The following ZNRF3 variants were observed in gnomAD, a reference collection of about 807,000 sequenced individuals.
ZNRF3 encodes the protein zinc and ring finger 3.
Under a neutral mutation model 72.5 loss-of-function variants are expected in ZNRF3, and 23 were observed. That is an observed-to-expected ratio of 0.32 (90% CI 0.23 to 0.45). The LOEUF (loss-of-function observed/expected upper bound fraction) is 0.45. Ranked by LOEUF, ZNRF3 falls within the 20% of genes least tolerant of loss-of-function variation. ZNRF3 has a pLI of 1.00. For synonymous variants in ZNRF3, 610 were observed against 545.3 expected (o/e 1.12, Z -1.65); for missense variants, 1,169 against 1,272.1 (o/e 0.92, Z 1.23).
At chr22:28,966,568 C>G (rs1360809817) in intron 1 of ZNRF3, among the ~76,000 whole-genome samples, 1 of 151,976 alleles carries the variant, frequency 6.6e-6, no homozygotes, top group Non-Finnish European at 1.5e-5. Context: ...CATTGATGAT[C>G]CTGACATTGT....
At chr22:28,979,062 T>C (rs1232819530) in intron 1 of ZNRF3, among the ~76,000 whole-genome samples, 3 of 152,202 alleles carry the variant, frequency 2.0e-5, no homozygotes, top group Non-Finnish European at 2.9e-5. Flanking sequence ...TATAAAACTC[T>C]CCTCAGTACC....
At chr22:28,893,125 C>T (rs904178691) in intron 1 of ZNRF3, among the ~76,000 whole-genome samples, 1 of 152,072 alleles carries the variant, frequency 6.6e-6, no homozygotes, top group South Asian at 2.1e-4. Context: ...CGAGATCACA[C>T]CACTGCACTC....
intron 1 of ZNRF3, among the ~76,000 whole-genome samples, chr22:28,952,071 G>A (rs548026195): frequency 2.9e-3 from 440 of 152,326 alleles, no homozygotes; most frequent in South Asian, 7.1e-3. Flanking sequence ...ACCCTCCTGC[G>A]GGTTCCCAGC....
chr22:29,009,106 C>G (rs1471631823), intron 2 of ZNRF3, among the ~76,000 whole-genome samples: 1 of 152,190 alleles, frequency 6.6e-6, no homozygotes, highest in Non-Finnish European at 1.5e-5. Context: ...GGAATCAGGA[C>G]AGGATCCTTC....
At chr22:28,920,954 G>A (rs2034501321) in intron 1 of ZNRF3, among the ~76,000 whole-genome samples, 1 of 152,208 alleles carries the variant, frequency 6.6e-6, no homozygotes, top group Admixed American at 6.5e-5. Context: ...TCACACACGG[G>A]GCTAGACCCA....
At chr22:29,019,661 C>T (rs927613500) in intron 2 of ZNRF3, among the ~76,000 whole-genome samples, 1 of 152,140 alleles carries the variant, frequency 6.6e-6, no homozygotes, top group Admixed American at 6.5e-5. Flanking sequence ...AAGACTAGAT[C>T]AATGATTAGC....
chr22:29,048,253 C>A lies in ZNRF3; in HGVS notation c.913-136C>A. 3.2e-6 allele frequency: 2 copies of A among 627,296 alleles called. No individual in the cohort carries two copies. Among genetic ancestry groups the A allele is most frequent in the Non-Finnish European group, 5.5e-6 (2 of 361,158 alleles). The allele number at this position is 627,296 out of a possible 1,614,324, so 38.9% of individuals were successfully genotyped here. ...GGGCCCTGCTTCTAGGGAATTGAGC[C>A]CTAATTGGAGGTGGGGAGGAGAGTA... On this transcript the variant is annotated intron_variant, in intron 6 of 8. Transcript: ENST00000544604. This position sits in a 1 kb window ranked among gnomAD's most constrained non-coding sequence, Gnocchi z 4.9.
At chr22:28,928,023 A>G (rs1049031256) in intron 1 of ZNRF3, among the ~76,000 whole-genome samples, 19 of 152,222 alleles carry the variant, frequency 1.2e-4, no homozygotes, top group Admixed American at 1.2e-3. Flanking sequence ...TTAAATAATG[A>G]AGTCAAGACC....
intron 1 of ZNRF3, among the ~76,000 whole-genome samples, chr22:28,900,109 C>T (rs2034075938): frequency 6.6e-6 from 1 of 152,156 alleles, no homozygotes; most frequent in Non-Finnish European, 1.5e-5. Flanking sequence ...CCCTTGCCCT[C>T]TGGTAACTAA....
chr22:28,888,402 G>A (rs2033828017), intron 1 of ZNRF3, among the ~76,000 whole-genome samples: 1 of 152,216 alleles, frequency 6.6e-6, no homozygotes, highest in Non-Finnish European at 1.5e-5. Flanking sequence ...GCTGACAGCT[G>A]ACCTGGATTT....
chr22:29,032,687 A>C (rs965464695), intron 2 of ZNRF3, among the ~76,000 whole-genome samples: 1 of 152,224 alleles, frequency 6.6e-6, no homozygotes, highest in Admixed American at 6.5e-5. Context: ...ATGGTGTTTG[A>C]TGCTAACCCC....
chr22:29,028,220 T>C (rs116035657), intron 2 of ZNRF3, among the ~76,000 whole-genome samples: 1,680 of 152,254 alleles, frequency 0.011, 39 homozygotes, highest in African/African-American at 0.039. Context: ...TTGGATGAAA[T>C]AGTCTTTGAC....
At chr22:28,982,945 CACTGGAGATGTA>C (rs1268333819) in intron 1 of ZNRF3, among the ~76,000 whole-genome samples, 7 of 152,070 alleles carry the variant, frequency 4.6e-5, no homozygotes, top group Non-Finnish European at 5.9e-5. Flanking sequence ...AACAGACTTG[CACTGGAGATGTA>C]AACTGGAATA....
intron 2 of ZNRF3, among the ~76,000 whole-genome samples, chr22:28,993,276 A>G (rs1311424684): frequency 6.6e-6 from 1 of 152,214 alleles, no homozygotes; most frequent in Non-Finnish European, 1.5e-5. Context: ...AAGCCCGGAA[A>G]TTACTGAGGG....
At position 28,975,127 on chromosome 22, in the gene ZNRF3, TTAC is replaced by T. The variant is rs374543047; in HGVS notation, c.301-11944_301-11942del. On this transcript the variant is annotated intron_variant, in intron 1 of 8. Coordinates refer to ENST00000544604, the MANE Select transcript of ZNRF3 (RefSeq NM_001206998.2). ...TACTTGAAGATTTCATCATATAAAG[TTAC>T]TACTTTGGCTGGGTGCAGTGGCTTA... Among the ~76,000 whole-genome samples, 316 of 152,260 alleles carry T rather than the reference TTAC, an allele frequency of 2.1e-3. 4 individuals are homozygous for T. The South Asian group carries it at 0.022, about 11-fold the overall frequency.
intron 2 of ZNRF3, among the ~76,000 whole-genome samples, chr22:29,007,520 A>G (rs1002692506): frequency 1.3e-5 from 2 of 151,668 alleles, no homozygotes; most frequent in Admixed American, 1.3e-4. Context: ...GCACCCACTT[A>G]TAGTGCAGCT....
chr22:29,049,276 G>T lies in ZNRF3; in HGVS notation c.1095G>T (p.Pro365=), dbSNP rs758052663. The change falls in exon 8 of 9, where the codon CCG becomes CCT. Residue 365 remains proline, a synonymous_variant. Coordinates refer to ENST00000544604, the MANE Select transcript of ZNRF3 (RefSeq NM_001206998.2). This position sits in a 1 kb window ranked among gnomAD's most constrained non-coding sequence, Gnocchi z 5.2. The part of the protein sequence containing the change: ...SRGRQQRVTL[P]VHYPGRVHRT... ...GTCGGCAGCAGAGGGTGACCCTGCC[G>T]GTGCATTACCCCGGCCGCGTGCACA... 5 of 1,613,818 alleles carry T rather than the reference G, an allele frequency of 3.1e-6. No homozygotes were observed. The East Asian group carries it at 8.9e-5, about 29-fold the overall frequency.
chr22:28,906,835 C>T (rs1017946588), intron 1 of ZNRF3, among the ~76,000 whole-genome samples: 4 of 152,208 alleles, frequency 2.6e-5, no homozygotes, highest in African/African-American at 7.2e-5. Context: ...TTACCCTGCG[C>T]TGGCAGAGCC....
At chr22:28,906,289 T>C (rs2034206459) in intron 1 of ZNRF3, among the ~76,000 whole-genome samples, 1 of 152,236 alleles carries the variant, frequency 6.6e-6, no homozygotes, top group Non-Finnish European at 1.5e-5. Context: ...ATGGCACCAT[T>C]GCACTCCAGC....
Sources: gnomAD v4.1 joint callset for allele counts (sites outside exome capture counted in the v4.1 genomes callset) on GRCh38, gnomAD v4.1.1 for gene constraint, Gnocchi (gnomAD v3.1) non-coding constraint, MANE v1.5 for transcripts, NCBI Gene and HGNC (gene_info 2026-07-23, HGNC 2026-07-21) for gene names.